GPC5: variants seen among roughly 807,000 people sequenced by gnomAD.
GPC5 encodes glypican-5.
In GPC5, 47 loss-of-function variants were observed where a neutral mutation model predicts 53.9. The ratio of observed to expected loss-of-function variants is 0.87; its 90% confidence interval spans 0.69 to 1.11. The LOEUF (loss-of-function observed/expected upper bound fraction) is 1.11, where lower values mean the gene tolerates loss of function less well. GPC5 is among the 50% of genes most tolerant of loss of function. The probability of loss-of-function intolerance (pLI) is 0.00; values close to 1 mark genes in which losing one functional copy is unlikely to be tolerated. For missense variants in GPC5, 748 were observed against 713.1 expected, an observed-to-expected ratio of 1.05 and a Z score of -0.56; for synonymous variants, 286 against 263.3, an observed-to-expected ratio of 1.09 and a Z score of -0.84.
intron 7 of GPC5, among the ~76,000 whole-genome samples, chr13:92,799,920 T>TTA (rs1876837564): frequency 6.6e-6 from 1 of 151,844 alleles, no homozygotes; most frequent in Admixed American, 6.6e-5. Flanking sequence ...TTTCATTTCA[T>TTA]TATATCATGT....
chr13:92,446,751 G>C (rs1877844434), intron 7 of GPC5: 1 of 152,168 alleles, frequency 6.6e-6, no homozygotes, highest in South Asian at 2.1e-4. Flanking sequence ...CCCACCAACA[G>C]TGTATGAGGA....
At chr13:91,990,550 A>G (rs950199989) in intron 6 of GPC5, among the ~76,000 whole-genome samples, 3 of 152,100 alleles carry the variant, frequency 2.0e-5, no homozygotes, top group South Asian at 4.2e-4. Flanking sequence ...TTACCTAGTG[A>G]TATTGTTCTT....
chr13:91,526,928 C>T (rs1758248988), intron 2 of GPC5, among the ~76,000 whole-genome samples: 2 of 152,122 alleles, frequency 1.3e-5, no homozygotes, highest in African/African-American at 4.8e-5. Flanking sequence ...CCCTCACTAT[C>T]ACAAGAACAG....
At chr13:92,785,173 G>A (rs1276944893) in intron 7 of GPC5, among the ~76,000 whole-genome samples, 2 of 152,140 alleles carry the variant, frequency 1.3e-5, no homozygotes, top group African/African-American at 4.8e-5. Context: ...CTACTCGGGA[G>A]GCTGAGGCAC....
Position 92,021,926 on chromosome 13 carries a change from C to T in GPC5, c.1401+113869C>T, listed in dbSNP as rs143930115. Reference sequence around the variant, plus strand: ...TGTCCAGAATTCACTTTTAAGCACACGCAATTTTGCTATAGTGAGGAACAT... The same window carrying T: ...TGTCCAGAATTCACTTTTAAGCACATGCAATTTTGCTATAGTGAGGAACAT... On this transcript the variant is annotated intron_variant, in intron 6 of 7. Coordinates refer to ENST00000377067, the MANE Select transcript of GPC5 (RefSeq NM_004466.6). Among the ~76,000 whole-genome samples the T allele has an allele frequency of 4.8e-3, 729 of 152,232 alleles. 4 individuals carry two copies. The highest frequency in any genetic ancestry group is 7.8e-3 in the Non-Finnish European group (527 of 67,996).
intron 7 of GPC5, among the ~76,000 whole-genome samples, chr13:92,802,842 A>G (rs1291262992): frequency 6.6e-6 from 1 of 152,014 alleles, no homozygotes; most frequent in Non-Finnish European, 1.5e-5. Flanking sequence ...ATAGCTTTTA[A>G]CATATATATC....
intron 7 of GPC5, among the ~76,000 whole-genome samples, chr13:92,399,630 G>A (rs1875464725): frequency 6.6e-6 from 1 of 152,148 alleles, no homozygotes; most frequent in Non-Finnish European, 1.5e-5. Context: ...GCAAAAGGAA[G>A]GGATCATGTG....
At chr13:91,807,577 C>G (rs78220328) in intron 5 of GPC5, among the ~76,000 whole-genome samples, 5,866 of 152,252 alleles carry the variant, frequency 0.039, 147 homozygotes, top group Middle Eastern at 0.061. Flanking sequence ...AATCTAACAA[C>G]TAGCCATTGT....
rs562955871 is a variant in GPC5 at position 92,699,046 on chromosome 13, G to A, written c.1562-167236G>A. Among the ~76,000 whole-genome samples the A allele has an allele frequency of 1.0e-3, 153 of 152,126 alleles. 1 individual carries two copies. Among genetic ancestry groups the A allele is most frequent in the Non-Finnish European group, 1.9e-3 (129 of 67,976 alleles). On this transcript the variant is annotated intron_variant, in intron 7 of 7. Coordinates refer to ENST00000377067, the MANE Select transcript of GPC5 (RefSeq NM_004466.6). ...TCTGGTAGCATTTGGCTGTGAATCC[G>A]TCTGGTCCTAGACTTTTTTTTTGGT...
intron 7 of GPC5, among the ~76,000 whole-genome samples, chr13:92,179,133 G>C (rs1215288681): frequency 3.3e-5 from 5 of 152,018 alleles, no homozygotes; most frequent in Non-Finnish European, 7.4e-5. Context: ...GTAATTAATA[G>C]TTTCTTTGGG....
At chr13:91,447,268 T>C (rs541277558) in intron 1 of GPC5, among the ~76,000 whole-genome samples, 1 of 152,294 alleles carries the variant, frequency 6.6e-6, no homozygotes, top group African/African-American at 2.4e-5. Flanking sequence ...TCTCTATTAT[T>C]GCTTTTCTCT....
chr13:92,110,586 G>T (rs1256686091), intron 6 of GPC5, among the ~76,000 whole-genome samples: 3 of 151,708 alleles, frequency 2.0e-5, no homozygotes, highest in Non-Finnish European at 2.9e-5. Context: ...GAGGAAAATT[G>T]GTACTTGCCA....
Position 92,101,216 on chromosome 13 carries a change from T to A in GPC5, c.1402-43614T>A, listed in dbSNP as rs115350541. Among the ~76,000 whole-genome samples the A allele has an allele frequency of 3.4e-3, 516 of 152,320 alleles. 6 individuals are homozygous for A. The highest frequency in any genetic ancestry group is 0.012 in the African/African-American group (491 of 41,566). ...CACATTCCCTCTTATTTTTCTTTTT[T>A]TTTCCATGTTGCTTTTAATTTTTTG... On this transcript the variant is annotated intron_variant, in intron 6 of 7. Coordinates refer to ENST00000377067, the MANE Select transcript of GPC5 (RefSeq NM_004466.6).
At chr13:92,763,106 G>A (rs1594489573) in intron 7 of GPC5, among the ~76,000 whole-genome samples, 1 of 152,162 alleles carries the variant, frequency 6.6e-6, no homozygotes, top group East Asian at 1.9e-4. Flanking sequence ...CAACTCATAA[G>A]TTTATTTTTC....
At chr13:92,719,602 G>A (rs771472809) in intron 7 of GPC5, among the ~76,000 whole-genome samples, 1 of 151,988 alleles carries the variant, frequency 6.6e-6, no homozygotes, top group African/African-American at 2.4e-5. Flanking sequence ...TTTTCCAGAG[G>A]TTCTAACAAT....
chr13:92,124,874 C>G (rs1427789111), intron 6 of GPC5, among the ~76,000 whole-genome samples: 4 of 152,190 alleles, frequency 2.6e-5, no homozygotes, highest in African/African-American at 9.7e-5. Context: ...ACACAGCTCT[C>G]ATGTTTCTGA....
chr13:92,806,521 T>A (rs1428436453), intron 7 of GPC5, among the ~76,000 whole-genome samples: 1 of 152,134 alleles, frequency 6.6e-6, no homozygotes, highest in Non-Finnish European at 1.5e-5. Flanking sequence ...AGCTTTCAAC[T>A]TGCCTTCCTC....
rs560132924 is a variant in GPC5, at chr13:91,591,042, T to C, written c.326-102145T>C. On this transcript the variant is annotated intron_variant, in intron 2 of 7. Coordinates refer to ENST00000377067, the MANE Select transcript of GPC5 (RefSeq NM_004466.6). ...TCACAAGGTTGTAAGGAGCATTGTA[T>C]TGTTGATGTTTGTAAAGCTCCTAAG... is the stretch of plus-strand genomic sequence containing the variant. Among the ~76,000 whole-genome samples, 600 of 152,286 alleles carry C rather than the reference T, an allele frequency of 3.9e-3. 2 individuals are homozygous for C. Among genetic ancestry groups the C allele is most frequent in the Non-Finnish European group, 6.5e-3 (441 of 68,014 alleles).
intron 1 of GPC5, among the ~76,000 whole-genome samples, chr13:91,402,071 A>C (rs1483487709): frequency 6.6e-6 from 1 of 152,120 alleles, no homozygotes. Context: ...TTTTCTATTA[A>C]AATTCTCTTT....
Sources: allele counts gnomAD v4.1 joint callset (sites outside exome capture counted in the v4.1 genomes callset), GRCh38; gene constraint gnomAD v4.1.1; transcripts MANE v1.5; gene names NCBI Gene and HGNC (gene_info 2026-07-23, HGNC 2026-07-21).